TMEM202: variants seen among roughly 807,000 people sequenced by gnomAD.
The protein encoded by TMEM202 is transmembrane protein 202.
TMEM202 carries 25 observed loss-of-function variants against 26.1 expected under a neutral mutation model. That is an observed-to-expected ratio of 0.96 (90% CI 0.70 to 1.34). The LOEUF is 1.34. TMEM202 is among the 40% of genes most tolerant of loss of function. The probability of loss-of-function intolerance (pLI) is 0.00; values close to 1 mark genes in which losing one functional copy is unlikely to be tolerated. For synonymous variants in TMEM202, 122 were observed against 119.0 expected, an observed-to-expected ratio of 1.02 and a Z score of -0.16; for missense variants, 301 against 327.7, an observed-to-expected ratio of 0.92 and a Z score of 0.63.
chr15:72,398,516 G>A, intron 1 of TMEM202, 109 bp downstream of exon 1: 1 of 1,154,042 alleles, frequency 8.7e-7, no homozygotes, highest in Non-Finnish European at 1.2e-6. Context: ...AAATTGTGGG[G>A]TTTTTTTTTT....
At chr15:72,402,830 C>T (rs946654977) in intron 2 of TMEM202, among the ~76,000 whole-genome samples, 9 of 151,996 alleles carry the variant, frequency 5.9e-5, no homozygotes, top group African/African-American at 1.7e-4. Context: ...AACTGGGTTA[C>T]GAGGGGACTT....
chr15:72,404,369 C>G (rs1812176504), intron 2 of TMEM202, among the ~76,000 whole-genome samples: 1 of 152,104 alleles, frequency 6.6e-6, no homozygotes, highest in Admixed American at 6.5e-5. Context: ...GAGTAGAGAT[C>G]ATGCTACTGC....
chr15:72,406,008 G>A (rs1217377091), intron 2 of TMEM202, among the ~76,000 whole-genome samples: 1 of 152,100 alleles, frequency 6.6e-6, no homozygotes, highest in Non-Finnish European at 1.5e-5. Context: ...AGATAGAGCT[G>A]GAAGTGAAAA....
Position 72,407,698 on chromosome 15 carries a change from C to T in TMEM202, c.627C>T (p.Ile209=). ...ATTATTCCCTTCCCGTAGGGATCAT[C>T]TCTCTTCTCAACTACTTAACTTCCA... ...SDIFYMFAGI[I]SLLNYLTSRS... Residue 209 remains isoleucine, a synonymous_variant, in exon 5 of 5, where the codon ATC becomes ATT. Transcript: ENST00000341689. 6.2e-7 allele frequency: 1 copy of T among 1,613,860 alleles called. No individual in the cohort carries two copies. Among genetic ancestry groups the T allele is most frequent in the South Asian group, 1.1e-5 (1 of 91,066 alleles).
chr15:72,403,848 G>T (rs1322297629), intron 2 of TMEM202, among the ~76,000 whole-genome samples: 1 of 152,160 alleles, frequency 6.6e-6, no homozygotes, highest in Non-Finnish European at 1.5e-5. Flanking sequence ...CTTTGGGAAG[G>T]TTAGACTCTT....
In TMEM202 at chr15:72,407,489, G is replaced by A. The variant is rs200724596; in HGVS notation, c.620-202G>A. Among the ~76,000 whole-genome samples, 13 of 152,258 alleles carry A rather than the reference G, an allele frequency of 8.5e-5. No individual in the cohort carries two copies. In the East Asian group the frequency reaches 2.5e-3, roughly 29 times the overall value. On this transcript the variant is annotated intron_variant, in intron 4 of 4. Coordinates refer to ENST00000341689, the MANE Select transcript of TMEM202 (RefSeq NM_001080462.3). ...TAGTGGAACTATGATCTGAATCCAG[G>A]AGGTTCAAGCTTTGTCCTAATCAGT...
chr15:72,406,727 G>C lies in TMEM202; in HGVS notation c.463G>C (p.Val155Leu), dbSNP rs2063573581. Residue 155 changes from valine (V) to leucine (L), a missense_variant, in exon 3 of 5, where the codon GTA (valine) becomes CTA (leucine). By Grantham distance (32) the Val-to-Leu change is conservative. Transcript: ENST00000341689. ...GSMTTNLDLK[V>L]SMLSFISATC... Reference sequence around the variant, plus strand: ...CATGACCACCAACTTGGATCTGAAGGTATCCATGCTCAGCTTCATCTCAGG... The same window carrying C: ...CATGACCACCAACTTGGATCTGAAGCTATCCATGCTCAGCTTCATCTCAGG... 6.2e-7 allele frequency: 1 copy of C among 1,614,044 alleles called. No individual in the cohort carries two copies. The highest frequency in any genetic ancestry group is 1.3e-5 in the African/African-American group (1 of 75,020).
Position 72,398,796 on chromosome 15 carries a change from C to T in TMEM202, c.225C>T (p.Ser75=). The change falls in exon 2 of 5, where the codon TCC becomes TCT. Residue 75 remains serine, a synonymous_variant. Transcript: ENST00000341689. ...SFSLLMLIAM[S]PLNWVQFLVI... is the part of the protein sequence containing the mutation. ...GCCTCCTAATGCTGATCGCCATGTC[C>T]CCACTGAACTGGGTACAGTTTCTGG... The T allele has an allele frequency of 1.2e-6, 2 of 1,614,132 alleles. No individual in the cohort carries two copies. The highest frequency in any genetic ancestry group is 1.7e-6 in the Non-Finnish European group (2 of 1,180,038).
chr15:72,406,772 G>T, intron 3 of TMEM202, 21 bp downstream of exon 3: 1 of 1,609,316 alleles, frequency 6.2e-7, no homozygotes, highest in South Asian at 1.1e-5. Context: ...AGACTGGCAG[G>T]GTATTTTACC....
chr15:72,407,616 A>C, intron 4 of TMEM202, 75 bp from the exon 5 acceptor site: 1 of 1,364,414 alleles, frequency 7.3e-7, no homozygotes, highest in South Asian at 1.2e-5. Context: ...TGGTTATTAA[A>C]GGATGCATAA....
At chr15:72,404,907 A>G (rs2063564136) in intron 2 of TMEM202, among the ~76,000 whole-genome samples, 1 of 152,172 alleles carries the variant, frequency 6.6e-6, no homozygotes, top group Admixed American at 6.5e-5. Flanking sequence ...ATCTGGGCTT[A>G]TGTTCTGGCT....
At chr15:72,403,090 T>G (rs2063555365) in intron 2 of TMEM202, among the ~76,000 whole-genome samples, 3 of 152,194 alleles carry the variant, frequency 2.0e-5, no homozygotes, top group Admixed American at 2.0e-4. Flanking sequence ...CAACTTTTAC[T>G]TCCACAACAG....
At position 72,406,672 on chromosome 15, in the gene TMEM202, C is replaced by G; in HGVS notation, c.408C>G (p.Leu136=). 6.2e-7 allele frequency: 1 copy of G among 1,614,134 alleles called. No homozygotes were observed. The highest frequency in any genetic ancestry group is 8.5e-7 in the Non-Finnish European group (1 of 1,180,006). ...CCATACTTACTGGCCTTGGCTGGCT[C>G]TTCAGCTCTTGGATCCTTAATCGAG... ...VFTILTGLGW[L]FSSWILNRGS... The change falls in exon 3 of 5, where the codon CTC becomes CTG. Residue 136 remains leucine (L), a synonymous_variant. Transcript: ENST00000341689.
At position 72,398,897 on chromosome 15, in the gene TMEM202, C is replaced by A. The variant is rs1286139207; in HGVS notation, c.326C>A (p.Pro109His). ...CNHELCWSHT[P>H]KPPYYLQYSR... Reference sequence around the variant, plus strand: ...CATGAGCTGTGCTGGAGCCACACACCCAAGCCACCCTGTGAGTGCCACCGA... The same window carrying A: ...CATGAGCTGTGCTGGAGCCACACACACAAGCCACCCTGTGAGTGCCACCGA... Residue 109 changes from proline to histidine, a missense_variant, in exon 2 of 5, where the codon CCC becomes CAC. Physicochemically the swap from Pro to His is moderately conservative, Grantham distance 77 (BLOSUM62 -2). Coordinates refer to ENST00000341689, the MANE Select transcript of TMEM202 (RefSeq NM_001080462.3). The A allele has an allele frequency of 1.9e-6, 3 of 1,602,444 alleles. No homozygotes were observed. The East Asian group carries it at 6.7e-5, about 36-fold the overall frequency.
At chr15:72,404,448 A>G (rs2063562391) in intron 2 of TMEM202, among the ~76,000 whole-genome samples, 1 of 152,100 alleles carries the variant, frequency 6.6e-6, no homozygotes, top group South Asian at 2.1e-4. Flanking sequence ...AATGTGGCTC[A>G]GAAGAATAAC....
intron 2 of TMEM202, 32 bp from the exon 3 acceptor site, chr15:72,406,556 CCCTCACTGGACTAA>C: frequency 1.0e-5 from 16 of 1,563,920 alleles, no homozygotes; most frequent in Non-Finnish European, 1.4e-5. Context: ...AAGGGAAGGT[CCCTCACTGGACTAA>C]CCACGGTCTT....
intron 2 of TMEM202, among the ~76,000 whole-genome samples, chr15:72,399,415 A>G (rs1482835927): frequency 6.6e-6 from 1 of 152,226 alleles, no homozygotes; most frequent in Non-Finnish European, 1.5e-5. Context: ...TACCAGGACT[A>G]TAGGTGTAAG....
chr15:72,405,038 G>A (rs2140358707), intron 2 of TMEM202, among the ~76,000 whole-genome samples: 1 of 152,316 alleles, frequency 6.6e-6, no homozygotes, highest in African/African-American at 2.4e-5. Flanking sequence ...TCTGTGGATA[G>A]GGGTGTGGTT....
intron 2 of TMEM202, among the ~76,000 whole-genome samples, chr15:72,405,800 C>T (rs951721849): frequency 7.2e-5 from 11 of 151,962 alleles, no homozygotes; most frequent in Non-Finnish European, 2.9e-5. Context: ...CCAGCCTGGC[C>T]AACATGGTGA....
Sources: gnomAD v4.1 joint callset for allele counts (sites outside exome capture counted in the v4.1 genomes callset) on GRCh38, gnomAD v4.1.1 for gene constraint, MANE v1.5 for transcripts, NCBI Gene and HGNC (gene_info 2026-07-23, HGNC 2026-07-21) for gene names.